The following MTBP variants were observed in gnomAD, a reference collection of about 807,000 sequenced individuals.
MTBP encodes MDM2 binding protein.
In MTBP, 101 loss-of-function variants were observed where a neutral mutation model predicts 117.0. That is an observed-to-expected ratio of 0.86 (90% CI 0.73 to 1.02). MTBP has a LOEUF of 1.02. MTBP is among the 50% of genes least tolerant of loss of function. The pLI is 0.00. For missense variants in MTBP, 970 were observed against 1,030.9 expected, an observed-to-expected ratio of 0.94 and a Z score of 0.81; for synonymous variants, 350 against 351.5, an observed-to-expected ratio of 1.00 and a Z score of 0.05.
At chr8:120,451,139 C>A (rs147933118) in intron 3 of MTBP, 32 bp from the exon 4 acceptor site, 3 of 1,575,150 alleles carry the variant, frequency 1.9e-6, no homozygotes, top group African/African-American at 2.7e-5. Flanking sequence ...ATTTCATGAT[C>A]CATTATTTAA....
chr8:120,488,241 A>G lies in MTBP; in HGVS notation c.1248A>G (p.Thr416=), dbSNP rs1313633438. 3 of 1,596,282 alleles carry G rather than the reference A, an allele frequency of 1.9e-6. No homozygotes were observed. Among genetic ancestry groups the G allele is most frequent in the Non-Finnish European group, 2.6e-6 (3 of 1,173,738 alleles). ...ATGGCAATAGAAGATGTAAAGCCAC[A>G]TTGATTCACTCAGCCAACCAGATCA... ...QGNGNRRCKA[T]LIHSANQING... Residue 416 remains threonine, a synonymous_variant, in exon 12 of 22, where the codon ACA becomes ACG. Coordinates refer to ENST00000305949, the MANE Select transcript of MTBP (RefSeq NM_022045.5).
In MTBP at chr8:120,456,679, AT is replaced by A; in HGVS notation, c.747+11del. The A allele has an allele frequency of 1.4e-6, 2 of 1,446,848 alleles. No individual in the cohort carries two copies. The highest frequency in any genetic ancestry group is 1.9e-6 in the Non-Finnish European group (2 of 1,039,702). The allele number at this position is 1,446,848 out of a possible 1,614,324, so 89.6% of individuals were successfully genotyped here. On this transcript the variant is annotated intron_variant, in intron 7 of 21. Transcript: ENST00000305949. ...AGATATGGGAAAGAAAGGTAAATGG[AT>A]TATTCACAGTTTGCCAAGTAGGCCT...
At chr8:120,519,025 A>G (rs751102168) in intron 20 of MTBP, among the ~76,000 whole-genome samples, 4 of 152,034 alleles carry the variant, frequency 2.6e-5, no homozygotes, top group Non-Finnish European at 5.9e-5. Context: ...ATTTTAACCA[A>G]TATCCTATTT....
intron 13 of MTBP, among the ~76,000 whole-genome samples, chr8:120,495,876 C>T (rs1814443220): frequency 6.6e-6 from 1 of 151,984 alleles, no homozygotes; most frequent in South Asian, 2.1e-4. Flanking sequence ...TTTGTTTCTG[C>T]TGGACTCCCT....
chr8:120,452,101 G>A (rs1234240441), intron 4 of MTBP: 2 of 151,818 alleles, frequency 1.3e-5, no homozygotes, highest in Non-Finnish European at 2.9e-5. Context: ...TTCAATTGTG[G>A]TACAATATGT....
At position 120,446,417 on chromosome 8, in the gene MTBP, A is replaced by G. The variant is rs755094924; in HGVS notation, c.119-16A>G. The G allele has an allele frequency of 1.7e-5, 26 of 1,541,970 alleles. No individual in the cohort carries two copies. Among genetic ancestry groups the G allele is most frequent in the South Asian group, 2.2e-5 (2 of 89,594 alleles). Reference sequence around the variant, plus strand: ...AATCTAGAGCCCTTTGAGTTAGTCTATCTTTTCTTTTTCAGACTTCACAGC... The same window carrying G: ...AATCTAGAGCCCTTTGAGTTAGTCTGTCTTTTCTTTTTCAGACTTCACAGC... On this transcript the variant is annotated splice_polypyrimidine_tract_variant and intron_variant, in intron 1 of 21. Transcript: ENST00000305949.
intron 2 of MTBP, among the ~76,000 whole-genome samples, chr8:120,449,639 G>A (rs1019451828): frequency 5.9e-5 from 9 of 152,120 alleles, no homozygotes; most frequent in Non-Finnish European, 1.0e-4. Flanking sequence ...AGGGAGAACA[G>A]AAAGCCTCAA....
At position 120,455,470 on chromosome 8, in the gene MTBP, G is replaced by A; in HGVS notation, c.520G>A (p.Asp174Asn). The A allele has an allele frequency of 6.2e-7, 1 of 1,609,060 alleles. No homozygotes were observed. The highest frequency in any genetic ancestry group is 8.5e-7 in the Non-Finnish European group (1 of 1,176,898). Residue 174 changes from aspartate to asparagine, a missense_variant, in exon 6 of 22, where the codon GAC becomes AAC. By Grantham distance (23) the Asp-to-Asn change is conservative (BLOSUM62 1). Coordinates refer to ENST00000305949, the MANE Select transcript of MTBP (RefSeq NM_022045.5). ...GGTAGATATAATACTGTTGCTTTCT[G>A]ACAAAGATCCTCCTAAATTGAAAGA... ...AMVDIILLLS[D>N]KDPPKLKDYL... is the part of the protein sequence containing the mutation.
At chr8:120,488,920 C>T (rs1286059635) in intron 12 of MTBP, among the ~76,000 whole-genome samples, 1 of 152,044 alleles carries the variant, frequency 6.6e-6, no homozygotes, top group Non-Finnish European at 1.5e-5. Flanking sequence ...TTCTTCACAC[C>T]CATGTTTGGT....
chr8:120,457,072 T>C (rs1813484898), intron 7 of MTBP, among the ~76,000 whole-genome samples: 1 of 152,202 alleles, frequency 6.6e-6, no homozygotes, highest in Non-Finnish European at 1.5e-5. Flanking sequence ...AAAAAACTAC[T>C]TAGAGCATAT....
At chr8:120,511,604 A>G (rs1814811665) in intron 17 of MTBP, among the ~76,000 whole-genome samples, 1 of 152,154 alleles carries the variant, frequency 6.6e-6, no homozygotes, top group Admixed American at 6.5e-5. Flanking sequence ...CCAAAATTTT[A>G]CTTTTCATTT....
chr8:120,456,655 G>A lies in MTBP; in HGVS notation c.732G>A (p.Gln244=), dbSNP rs2130519701. ...DSKELWRGKI[Q]IWERKFGFEI... ...AGGAATTATGGAGGGGGAAAATACA[G>A]ATATGGGAAAGAAAGGTAAATGGAT... The change falls in exon 7 of 22, where the codon CAG becomes CAA. Residue 244 remains glutamine (Q), a synonymous_variant. Coordinates refer to ENST00000305949, the MANE Select transcript of MTBP (RefSeq NM_022045.5). 1 of 1,570,258 alleles carries A rather than the reference G, an allele frequency of 6.4e-7. No homozygotes were observed. Among genetic ancestry groups the A allele is most frequent in the East Asian group, 2.3e-5 (1 of 44,034 alleles).
intron 11 of MTBP, among the ~76,000 whole-genome samples, chr8:120,484,701 G>A (rs986451079): frequency 6.6e-5 from 10 of 152,040 alleles, no homozygotes; most frequent in African/African-American, 2.4e-4. Flanking sequence ...CAATTCAGTG[G>A]CTTTTAAAAT....
Position 120,470,763 on chromosome 8 carries a change from C to G in MTBP, c.1048-57C>G. 4 of 1,241,720 alleles carry G rather than the reference C, an allele frequency of 3.2e-6. 1 individual carries two copies. In the South Asian group the frequency reaches 4.1e-5, roughly 13 times the overall value. 76.9% of individuals were successfully genotyped at this position (1,241,720 alleles called of 1,614,324 possible). On this transcript the variant is annotated intron_variant, in intron 10 of 21. Coordinates refer to ENST00000305949, the MANE Select transcript of MTBP (RefSeq NM_022045.5). The stretch of plus-strand genomic sequence containing the variant: ...ATGAGTGGAAAATTGTCAACTGGCA[C>G]TATTCAAGAATGAATCTCAATGTGC...
At chr8:120,479,085 A>G (rs574016256) in intron 11 of MTBP, among the ~76,000 whole-genome samples, 1 of 152,316 alleles carries the variant, frequency 6.6e-6, no homozygotes, top group South Asian at 2.1e-4. Context: ...TTTTCTCACA[A>G]ATGGAGGCTA....
intron 12 of MTBP, among the ~76,000 whole-genome samples, chr8:120,489,057 T>TTTTTTTTTTTGG (rs1563797875): frequency 1.3e-5 from 2 of 150,802 alleles, no homozygotes; most frequent in African/African-American, 2.4e-5. Flanking sequence ...TTTTTTTTTT[T>TTTTTTTTTTTGG]GAGACAGAGT....
Position 120,518,078 on chromosome 8 carries a change from C to A in MTBP, c.2474C>A (p.Ser825Ter). Residue 825 changes from serine to a stop codon, truncating the protein, a stop_gained, in exon 19 of 22, where the codon TCA becomes TAA. Transcript: ENST00000305949. LOFTEE classifies it high-confidence loss of function. ...ESKTSRQIKE[S>*]RSQKHTRILK... ...AAAACATCAAGGCAAATTAAGGAAT[C>A]AAGATCACAGAAACACACACGGGTA... The A allele has an allele frequency of 6.2e-7, 1 of 1,612,344 alleles. No homozygotes were observed. The highest frequency in any genetic ancestry group is 8.5e-7 in the Non-Finnish European group (1 of 1,178,890).
intron 11 of MTBP, among the ~76,000 whole-genome samples, chr8:120,482,550 G>C (rs1007608828): frequency 6.6e-6 from 1 of 151,954 alleles, no homozygotes; most frequent in African/African-American, 2.4e-5. Context: ...TTATTATATA[G>C]TAATTGAGAG....
intron 13 of MTBP, among the ~76,000 whole-genome samples, chr8:120,492,610 G>C (rs1814369151): frequency 6.6e-6 from 1 of 152,066 alleles, no homozygotes; most frequent in African/African-American, 2.4e-5. Flanking sequence ...CATGGGGTAG[G>C]CTTGTTACTC....
Sources: allele counts gnomAD v4.1 joint callset (sites outside exome capture counted in the v4.1 genomes callset), GRCh38; gene constraint gnomAD v4.1.1; transcripts MANE v1.5; gene names NCBI Gene and HGNC (gene_info 2026-07-23, HGNC 2026-07-21).